The following CCDC85C variants were observed in gnomAD, a reference collection of about 807,000 sequenced individuals.
The protein encoded by CCDC85C is coiled-coil domain-containing protein 85C.
Under a neutral mutation model 38.3 loss-of-function variants are expected in CCDC85C, and 18 were observed. That is an observed-to-expected ratio of 0.47 (90% CI 0.33 to 0.70). CCDC85C has a LOEUF of 0.70. Among genes scored for constraint, CCDC85C ranks in the 30% least tolerant of loss-of-function variants. The probability of loss-of-function intolerance (pLI) is 0.03; values close to 1 mark genes in which losing one functional copy is unlikely to be tolerated. For missense variants in CCDC85C, 566 were observed against 621.2 expected (o/e 0.91, Z 0.94); for synonymous variants, 264 against 293.8 (o/e 0.90, Z 1.04).
chr14:99,503,046 C>T lies in CCDC85C; in HGVS notation c.*12200G>A. 1 of 1,542,092 alleles carries T rather than the reference C, an allele frequency of 6.5e-7. No homozygotes were observed. The highest frequency in any genetic ancestry group is 9.0e-7 in the Non-Finnish European group (1 of 1,114,856). Reference sequence around the variant, plus strand: ...TTTCCAGGTGGCGGCAACACCTGAGCACTGTTCCCATTTCTAAGCGAGCAC... The same window carrying T: ...TTTCCAGGTGGCGGCAACACCTGAGTACTGTTCCCATTTCTAAGCGAGCAC... On this transcript the variant is annotated 3_prime_UTR_variant, in exon 6 of 6. Coordinates refer to ENST00000380243, the MANE Select transcript of CCDC85C (RefSeq NM_001144995.2).
rs1897794009 is a variant in CCDC85C, at chr14:99,545,774, G to T, written c.794-9686C>A. On this transcript the variant is annotated intron_variant, in intron 1 of 5. Transcript: ENST00000380243. The surrounding 1 kb of genome is among the most constrained non-coding windows in gnomAD (Gnocchi z 4.7). ...TCAGGCTGAAAGGTACGCCCTCCTG[G>T]CTCCTTGGAGAGCTTTTAAAATCTG... is the stretch of plus-strand genomic sequence containing the variant. 6.6e-6 allele frequency among the ~76,000 whole-genome samples: 1 copy of T among 152,082 alleles called. No homozygotes were observed. The highest frequency in any genetic ancestry group is 2.4e-5 in the African/African-American group (1 of 41,404).
chr14:99,503,249 C>T lies in CCDC85C; in HGVS notation c.*11997G>A, dbSNP rs1030749326. On this transcript the variant is annotated 3_prime_UTR_variant, in exon 6 of 6. Transcript: ENST00000380243. ...TCCCTGCCAGGGTTCTGAAGCCTGT[C>T]GGTGTCGTTGCCGTGTCCTAGCAGT... is the stretch of plus-strand genomic sequence containing the variant. The T allele has an allele frequency of 1.7e-5, 11 of 645,948 alleles. No individual in the cohort carries two copies. The highest frequency in any genetic ancestry group is 7.2e-5 in the African/African-American group (4 of 55,618). The allele number at this position is 645,948 out of a possible 1,614,324, so 40.0% of individuals were successfully genotyped here.
Position 99,505,714 on chromosome 14 carries a change from G to A in CCDC85C, c.*9532C>T, listed in dbSNP as rs1896956985. 1 of 152,110 alleles carries A rather than the reference G, an allele frequency of 6.6e-6. No individual in the cohort carries two copies. Among genetic ancestry groups the A allele is most frequent in the Non-Finnish European group, 1.5e-5 (1 of 68,034 alleles). 9.4% of individuals were successfully genotyped at this position (152,110 alleles called of 1,614,324 possible). On this transcript the variant is annotated 3_prime_UTR_variant, in exon 6 of 6. Transcript: ENST00000380243. ...CTACACAAAACTTAAAAATCAGCTC[G>A]GCGTGGTGGCGCCACACCTATGGTC...
At chr14:99,536,854 C>A (rs1323058328) in intron 1 of CCDC85C, among the ~76,000 whole-genome samples, 1 of 152,174 alleles carries the variant, frequency 6.6e-6, no homozygotes, top group Non-Finnish European at 1.5e-5. Context: ...AAAAAAATCC[C>A]ATCCCCACCC....
intron 1 of CCDC85C, among the ~76,000 whole-genome samples, chr14:99,579,033 T>C (rs2054936147): frequency 6.6e-6 from 1 of 152,166 alleles, no homozygotes; most frequent in Non-Finnish European, 1.5e-5. Flanking sequence ...CCATTGCTCA[T>C]GAAGCCCCTA....
In CCDC85C at chr14:99,516,141, C is replaced by T. The variant is rs535736730; in HGVS notation, c.1170+47G>A. 7.0e-6 allele frequency: 10 copies of T among 1,422,416 alleles called. No homozygotes were observed. The highest frequency in any genetic ancestry group is 3.7e-5 in the South Asian group (3 of 81,636). The allele number at this position is 1,422,416 out of a possible 1,614,324, so 88.1% of individuals were successfully genotyped here. A position where few individuals can be genotyped will look rare whatever the true frequency, so the allele number is the denominator to read the frequency against. On this transcript the variant is annotated intron_variant, in intron 5 of 5. Coordinates refer to ENST00000380243, the MANE Select transcript of CCDC85C (RefSeq NM_001144995.2). This position sits in a 1 kb window ranked among gnomAD's most constrained non-coding sequence, Gnocchi z 5.5. ...TATGGCCATGCTGGGTGGCCCTGGT[C>T]GCACTCCCAGTGCCAAGCCTCTGCC...
At chr14:99,564,594 C>A (rs1463282252) in intron 1 of CCDC85C, among the ~76,000 whole-genome samples, 2 of 152,166 alleles carry the variant, frequency 1.3e-5, no homozygotes, top group Non-Finnish European at 2.9e-5. Context: ...ACTCTGAGCC[C>A]CCCAGGGGGG....
intron 3 of CCDC85C, among the ~76,000 whole-genome samples, chr14:99,521,030 C>A (rs1410605577): frequency 6.6e-6 from 1 of 152,216 alleles, no homozygotes; most frequent in Non-Finnish European, 1.5e-5. Context: ...GAGAGCTGTG[C>A]TTGCACAGCA....
intron 1 of CCDC85C, among the ~76,000 whole-genome samples, chr14:99,581,111 G>A (rs2054963687): frequency 6.6e-6 from 1 of 152,114 alleles, no homozygotes; most frequent in Admixed American, 6.5e-5. Context: ...TTCCACGATC[G>A]CTGAAGCAAA....
intron 1 of CCDC85C, among the ~76,000 whole-genome samples, chr14:99,550,681 G>A (rs1313347402): frequency 6.6e-6 from 1 of 152,204 alleles, no homozygotes; most frequent in African/African-American, 2.4e-5. Context: ...AGCTCCGAAA[G>A]CCCTGGCATA....
At chr14:99,539,701 G>A (rs941985833) in intron 1 of CCDC85C, among the ~76,000 whole-genome samples, 3 of 152,152 alleles carry the variant, frequency 2.0e-5, no homozygotes, top group African/African-American at 7.2e-5. Flanking sequence ...AAAATATCCA[G>A]GCATTGACGT....
Position 99,572,643 on chromosome 14 carries a change from C to A in CCDC85C, c.793+30524G>T, listed in dbSNP as rs1325191079. On this transcript the variant is annotated intron_variant, in intron 1 of 5. Transcript: ENST00000380243. This position sits in a 1 kb window ranked among gnomAD's most constrained non-coding sequence, Gnocchi z 4.4. The stretch of plus-strand genomic sequence containing the variant: ...CCAGGGACGACAGCTGCTTATCATC[C>A]AAGCCCCAGGTGACCTGGCCCCTCC... 11 of 455,422 alleles carry A rather than the reference C, an allele frequency of 2.4e-5. No individual in the cohort carries two copies. In the East Asian group the frequency reaches 7.0e-4, roughly 29 times the overall value. 28.2% of individuals were successfully genotyped at this position (455,422 alleles called of 1,614,324 possible).
intron 3 of CCDC85C, among the ~76,000 whole-genome samples, chr14:99,518,369 GC>G (rs982202187): frequency 5.1e-4 from 77 of 152,210 alleles, no homozygotes; most frequent in African/African-American, 1.8e-3. Flanking sequence ...ACCTCCGGAG[GC>G]CCCCCGAGCC....
intron 1 of CCDC85C, among the ~76,000 whole-genome samples, chr14:99,582,821 G>GA (rs552387994): frequency 7.0e-4 from 106 of 150,632 alleles, no homozygotes; most frequent in Non-Finnish European, 1.4e-3. Context: ...CTCAAAAAAA[G>GA]AAAAAAAAAG....
chr14:99,503,093 G>C lies in CCDC85C; in HGVS notation c.*12153C>G. On this transcript the variant is annotated 3_prime_UTR_variant, in exon 6 of 6. Transcript: ENST00000380243. ...GCACAGGGAACACCGGAAGCAGGGG[G>C]TGTTCGCCGAAACTCGCAGTCCGAC... The C allele has an allele frequency of 7.8e-7, 1 of 1,285,256 alleles. No homozygotes were observed. Among genetic ancestry groups the C allele is most frequent in the Non-Finnish European group, 1.1e-6 (1 of 885,472 alleles). The allele number at this position is 1,285,256 out of a possible 1,614,324, so 79.6% of individuals were successfully genotyped here.
chr14:99,526,948 A>T (rs1466541233), intron 2 of CCDC85C, among the ~76,000 whole-genome samples: 1 of 148,850 alleles, frequency 6.7e-6, no homozygotes, highest in African/African-American at 2.5e-5. Flanking sequence ...TCCGGCCCCA[A>T]ACTAAAGCCC....
chr14:99,597,023 T>C (rs2055150235), intron 1 of CCDC85C, among the ~76,000 whole-genome samples: 2 of 152,228 alleles, frequency 1.3e-5, no homozygotes, highest in African/African-American at 4.8e-5. Flanking sequence ...GAGCAGGACT[T>C]TGGAGCAGAC....
chr14:99,544,189 C>T lies in CCDC85C; in HGVS notation c.794-8101G>A, dbSNP rs111700312. ...CCTGAGACTCAGCGATGTTAGGCAGCAAGGCCAAGGTCACCCGGCGGGAAC... is the reference window on the plus strand; with the variant it reads ...CCTGAGACTCAGCGATGTTAGGCAGTAAGGCCAAGGTCACCCGGCGGGAAC... On this transcript the variant is annotated intron_variant, in intron 1 of 5. Coordinates refer to ENST00000380243, the MANE Select transcript of CCDC85C (RefSeq NM_001144995.2). This position sits in a 1 kb window ranked among gnomAD's most constrained non-coding sequence, Gnocchi z 5.3. Among the ~76,000 whole-genome samples the T allele has an allele frequency of 6.6e-6, 1 of 152,286 alleles. No individual in the cohort carries two copies. Among genetic ancestry groups the T allele is most frequent in the South Asian group, 2.1e-4 (1 of 4,826 alleles).
At position 99,603,417 on chromosome 14, in the gene CCDC85C, G is replaced by C. The variant is rs1301652407; in HGVS notation, c.543C>G (p.Asp181Glu). ...GGGAGSRSSI[D>E]SQASLSGPLS... is the part of the protein sequence containing the mutation. ...GCGGCCCGCTCAGGCTGGCCTGGCT[G>C]TCGATGGAGCTGCGGGAGCCGGCGC... is the stretch of plus-strand genomic sequence containing the variant. The change falls in exon 1 of 6, where the codon GAC (aspartate) becomes GAG (glutamate). Residue 181 changes from aspartate to glutamate, a missense_variant. Physicochemically the swap from Asp to Glu is conservative, Grantham distance 45. Coordinates refer to ENST00000380243, the MANE Select transcript of CCDC85C (RefSeq NM_001144995.2). The surrounding 1 kb of genome is among the most constrained non-coding windows in gnomAD (Gnocchi z 7.5). 16 of 1,270,570 alleles carry C rather than the reference G, an allele frequency of 1.3e-5. No individual in the cohort carries two copies. 78.7% of individuals were successfully genotyped at this position (1,270,570 alleles called of 1,614,324 possible).
Sources: gnomAD v4.1 joint callset for allele counts (sites outside exome capture counted in the v4.1 genomes callset) on GRCh38, gnomAD v4.1.1 for gene constraint, Gnocchi (gnomAD v3.1) non-coding constraint, MANE v1.5 for transcripts, NCBI Gene and HGNC (gene_info 2026-07-23, HGNC 2026-07-21) for gene names.